The following CRHBP variants were observed in gnomAD, a reference collection of about 807,000 sequenced individuals.
CRHBP encodes corticotropin-releasing hormone-binding protein.
A neutral mutation model predicts 34.9 loss-of-function variants in CRHBP; 19 were observed. The observed-to-expected ratio is 0.55, with a 90% CI of 0.38 to 0.80. CRHBP has a LOEUF of 0.80. CRHBP is among the 30% of genes least tolerant of loss of function. The probability of loss-of-function intolerance (pLI) is 0.00; values close to 1 mark genes in which losing one functional copy is unlikely to be tolerated. For synonymous variants in CRHBP, 154 were observed against 153.4 expected, an observed-to-expected ratio of 1.00 and a Z score of -0.03; for missense variants, 328 against 409.2, an observed-to-expected ratio of 0.80 and a Z score of 1.71.
At chr5:76,963,617 T>C (rs1745815397) in intron 6 of CRHBP, among the ~76,000 whole-genome samples, 157 bp downstream of exon 6, 1 of 152,178 alleles carries the variant, frequency 6.6e-6, no homozygotes, top group African/African-American at 2.4e-5. Context: ...ATATATAACA[T>C]CAGTATCTTT....
intron 6 of CRHBP, among the ~76,000 whole-genome samples, chr5:76,964,300 C>T (rs1309038273): frequency 6.6e-6 from 1 of 152,172 alleles, no homozygotes; most frequent in Admixed American, 6.5e-5. Context: ...ACAGCAGTCT[C>T]TAATCTCAGT....
At chr5:76,979,823 T>C (rs1451323641) in intron 3 of CRHBP, among the ~76,000 whole-genome samples, 1 of 152,208 alleles carries the variant, frequency 6.6e-6, no homozygotes, top group Non-Finnish European at 1.5e-5. Context: ...GAACCAAAAC[T>C]GTAATATCTT....
chr5:76,956,140 A>G (rs975091987), intron 4 of CRHBP, among the ~76,000 whole-genome samples: 5 of 152,234 alleles, frequency 3.3e-5, no homozygotes, highest in Non-Finnish European at 5.9e-5. Context: ...AGGTTCTACA[A>G]TGCATTTAGT....
rs113761382 is a variant in CRHBP at position 76,955,009 on chromosome 5, T to C, written c.334-644T>C. Reference sequence around the variant, plus strand: ...TCGTTAAACTGGAGACCTGTGGTGATTTTGAGGGTCAAGTCAATAGACTCT... The same window carrying C: ...TCGTTAAACTGGAGACCTGTGGTGACTTTGAGGGTCAAGTCAATAGACTCT... On this transcript the variant is annotated intron_variant, in intron 3 of 6. Coordinates refer to ENST00000274368, the MANE Select transcript of CRHBP (RefSeq NM_001882.4). 3.6e-3 allele frequency among the ~76,000 whole-genome samples: 545 copies of C among 152,302 alleles called. 3 individuals are homozygous for C. Among genetic ancestry groups the C allele is most frequent in the African/African-American group, 0.012 (509 of 41,562 alleles).
intron 3 of CRHBP, among the ~76,000 whole-genome samples, chr5:76,976,912 A>T (rs962437039): frequency 1.3e-5 from 2 of 152,182 alleles, no homozygotes; most frequent in Admixed American, 1.3e-4. Context: ...TCGATTAATT[A>T]AAATAGGGTG....
At chr5:76,973,330 T>A (rs1580099460), downstream of CRHBP, among the ~76,000 whole-genome samples, 1 of 152,238 alleles carries the variant, frequency 6.6e-6, no homozygotes, top group East Asian at 1.9e-4. Flanking sequence ...TATAACCATA[T>A]GCAACCTTTC....
Position 76,953,133 on chromosome 5 carries a change from G to A in CRHBP, c.-2G>A, listed in dbSNP as rs999089383. On this transcript the variant is annotated 5_prime_UTR_variant, in exon 1 of 7. Transcript: ENST00000274368. ...CACAGCAGCTGCAGAGGCAAGGCCAGCATGTCGCCCAACTTCAAACTTCAG... is the reference window on the plus strand; with the variant it reads ...CACAGCAGCTGCAGAGGCAAGGCCAACATGTCGCCCAACTTCAAACTTCAG... 6.2e-7 allele frequency: 1 copy of A among 1,614,220 alleles called. No individual in the cohort carries two copies. Among genetic ancestry groups the A allele is most frequent in the Non-Finnish European group, 8.5e-7 (1 of 1,180,024 alleles).
At chr5:76,957,355 C>G (rs1289917599) in intron 4 of CRHBP, among the ~76,000 whole-genome samples, 4 of 152,166 alleles carry the variant, frequency 2.6e-5, no homozygotes, top group Admixed American at 1.3e-4. Context: ...AATTCTGATG[C>G]TTCTAGTTTC....
chr5:76,965,024 A>C (rs947715314), intron 6 of CRHBP, among the ~76,000 whole-genome samples: 2 of 151,564 alleles, frequency 1.3e-5, no homozygotes, highest in African/African-American at 4.9e-5. Context: ...TAAAAAAAAA[A>C]CACACAAAAA....
At chr5:76,957,078 T>C (rs1011709970) in intron 4 of CRHBP, among the ~76,000 whole-genome samples, 1 of 152,010 alleles carries the variant, frequency 6.6e-6, no homozygotes, top group Non-Finnish European at 1.5e-5. Flanking sequence ...TGGTGGCTCA[T>C]GCCTGTAATC....
In CRHBP at chr5:76,968,869, GT is replaced by G; in HGVS notation, c.956del (p.Leu319CysfsTer6). On this transcript the variant is annotated frameshift_variant, in exon 7 of 7. Transcript: ENST00000274368. LOFTEE classifies it high-confidence loss of function. ...NPNGNSIGEFCLSGL is the reference protein window; with the variant it reads ...NPNGNSIGEFXLSGL ...AATGGAAACAGTATCGGGGAATTCTGTTTGTCTGGTCTTTGAATAACCAACC... is the reference window on the plus strand; with the variant it reads ...AATGGAAACAGTATCGGGGAATTCTGTTGTCTGGTCTTTGAATAACCAACC... 1.2e-6 allele frequency: 2 copies of G among 1,613,516 alleles called. No individual in the cohort carries two copies. The highest frequency in any genetic ancestry group is 1.7e-6 in the Non-Finnish European group (2 of 1,179,726).
intron 6 of CRHBP, among the ~76,000 whole-genome samples, chr5:76,967,955 C>T (rs767428152): frequency 3.9e-5 from 6 of 152,014 alleles, no homozygotes; most frequent in Non-Finnish European, 8.8e-5. Context: ...CGTCGGCCTC[C>T]CAAAGTGCTG....
chr5:76,975,825 A>AAAAAAAAAAAAATATATATATATAT, intron 2 of CRHBP, among the ~76,000 whole-genome samples: 1 of 61,852 alleles, frequency 1.6e-5, no homozygotes, highest in Non-Finnish European at 2.7e-5. Context: ...AAAAAAAAAA[A>AAAAAAAAAAAAATATATATATATAT]ATATATATAT....
downstream of CRHBP, among the ~76,000 whole-genome samples, chr5:76,972,265 C>T (rs531377303): frequency 3.0e-3 from 462 of 152,006 alleles, 1 homozygote; most frequent in Non-Finnish European, 5.3e-3. Context: ...TTTGGGAGGC[C>T]GAGGCAGGCT....
At chr5:76,968,629 C>A in intron 6 of CRHBP, 99 bp from the exon 7 acceptor site, 1 of 1,249,692 alleles carries the variant, frequency 8.0e-7, no homozygotes, top group Non-Finnish European at 1.1e-6. Context: ...GAAGATAGGT[C>A]TCCTTGCTTT....
chr5:76,967,332 A>G (rs1174629452), intron 6 of CRHBP, among the ~76,000 whole-genome samples: 5 of 152,222 alleles, frequency 3.3e-5, no homozygotes, highest in Admixed American at 3.3e-4. Context: ...TAAAATAATT[A>G]TAGGGCTTTT....
intron 3 of CRHBP, among the ~76,000 whole-genome samples, chr5:76,978,712 T>C (rs1715747): frequency 0.46 from 69,572 of 152,050 alleles, 17,740 homozygotes; most frequent in African/African-American, 0.69. Context: ...GAGTTACTTC[T>C]TTTGAATGAG....
intron 6 of CRHBP, among the ~76,000 whole-genome samples, 171 bp from the exon 7 acceptor site, chr5:76,968,557 T>C (rs1745896973): frequency 6.6e-6 from 1 of 152,226 alleles, no homozygotes. Flanking sequence ...TTATAAGTTA[T>C]AATAAAAATG....
chr5:76,980,618 A>G (rs1746105004), intron 3 of CRHBP, among the ~76,000 whole-genome samples: 1 of 152,202 alleles, frequency 6.6e-6, no homozygotes, highest in Admixed American at 6.5e-5. Context: ...ACTCATCTGG[A>G]TGTTGCTGTG....
Sources: allele counts gnomAD v4.1 joint callset (sites outside exome capture counted in the v4.1 genomes callset), GRCh38; gene constraint gnomAD v4.1.1; transcripts MANE v1.5; gene names NCBI Gene and HGNC (gene_info 2026-07-23, HGNC 2026-07-21).